Variants in STAG1 observed in about 807,000 individuals in gnomAD.
STAG1 encodes the protein STAG1 cohesin complex component, also known as cohesin subunit SA-1.
STAG1 carries 26 observed loss-of-function variants against 170.9 expected under a neutral mutation model. That is an observed-to-expected ratio of 0.15 (90% CI 0.11 to 0.21). The LOEUF (loss-of-function observed/expected upper bound fraction) is 0.21. Ranked by LOEUF, STAG1 falls within the 10% of genes least tolerant of loss-of-function variation. The probability of loss-of-function intolerance (pLI) is 1.00; values close to 1 mark genes in which losing one functional copy is unlikely to be tolerated. For synonymous variants in STAG1, 514 were observed against 497.7 expected (o/e 1.03, Z -0.44); for missense variants, 964 against 1,509.5 (o/e 0.64, Z 5.99).
At chr3:136,354,474 G>C (rs540904456) in intron 28 of STAG1, among the ~76,000 whole-genome samples, 76 of 151,882 alleles carry the variant, frequency 5.0e-4, no homozygotes, top group African/African-American at 1.8e-3. Flanking sequence ...GCTAATTTTT[G>C]TATTGTTATT....
intron 1 of STAG1, chr3:136,737,033 C>A: frequency 6.8e-7 from 1 of 1,481,026 alleles, no homozygotes. Context: ...TTTATTTCTT[C>A]ATCTGTAACT....
chr3:136,479,189 C>T (rs1165596687), intron 9 of STAG1, among the ~76,000 whole-genome samples: 1 of 146,008 alleles, frequency 6.8e-6, no homozygotes, highest in Non-Finnish European at 1.5e-5. Flanking sequence ...AACGTGTCAT[C>T]TAGCATTAGG....
At chr3:136,567,282 C>T (rs1937115807) in intron 5 of STAG1, among the ~76,000 whole-genome samples, 1 of 152,164 alleles carries the variant, frequency 6.6e-6, no homozygotes, top group African/African-American at 2.4e-5. Flanking sequence ...CTTGCCTCAC[C>T]TACTTTAAGG....
At chr3:136,503,798 C>T (rs1933613951) in intron 7 of STAG1, among the ~76,000 whole-genome samples, 2 of 151,912 alleles carry the variant, frequency 1.3e-5, no homozygotes, top group Admixed American at 1.3e-4. Context: ...TGCAATGGCG[C>T]AATCTTGGCT....
At chr3:136,526,423 C>A (rs974247307) in intron 6 of STAG1, among the ~76,000 whole-genome samples, 2 of 152,100 alleles carry the variant, frequency 1.3e-5, no homozygotes, top group African/African-American at 4.8e-5. Flanking sequence ...GCAACCCCTG[C>A]CTTTTTTTGT....
At chr3:136,577,950 C>A (rs534976682) in intron 4 of STAG1, among the ~76,000 whole-genome samples, 4 of 152,286 alleles carry the variant, frequency 2.6e-5, no homozygotes, top group Admixed American at 2.6e-4. Context: ...GATTTAACAG[C>A]TGAGATACCA....
chr3:136,371,600 T>C (rs1937342585), intron 23 of STAG1, among the ~76,000 whole-genome samples: 1 of 152,224 alleles, frequency 6.6e-6, no homozygotes, highest in Admixed American at 6.5e-5. Flanking sequence ...CAGCACCATT[T>C]ATTAAATAGG....
At chr3:136,463,759 G>GTA (rs2089347759) in intron 13 of STAG1, among the ~76,000 whole-genome samples, 1 of 86,598 alleles carries the variant, frequency 1.2e-5, no homozygotes, top group South Asian at 4.3e-4. Context: ...GTGTGTGTGT[G>GTA]TGTGTGTGTA....
intron 21 of STAG1, among the ~76,000 whole-genome samples, chr3:136,402,360 G>C (rs994865035): frequency 3.3e-5 from 5 of 151,752 alleles, no homozygotes; most frequent in Admixed American, 1.3e-4. Flanking sequence ...TGGGACTACA[G>C]GTGCGTGCCA....
intron 2 of STAG1, among the ~76,000 whole-genome samples, chr3:136,630,364 A>G (rs1260465427): frequency 6.6e-6 from 1 of 151,652 alleles, no homozygotes; most frequent in Non-Finnish European, 1.5e-5. Context: ...TCATAATAAA[A>G]GAGCTGGAAG....
chr3:136,379,507 G>A (rs1022608608), intron 22 of STAG1, among the ~76,000 whole-genome samples: 18 of 152,136 alleles, frequency 1.2e-4, no homozygotes, highest in African/African-American at 4.3e-4. Flanking sequence ...TCAGGAGTTC[G>A]AGACCAGCCT....
chr3:136,613,297 G>C (rs1939396069), intron 3 of STAG1, among the ~76,000 whole-genome samples: 2 of 102,062 alleles, frequency 2.0e-5, no homozygotes, highest in African/African-American at 7.6e-5. Context: ...AAAGTGAACA[G>C]AGTGAGACTC....
At chr3:136,704,954 A>G (rs138926056) in intron 1 of STAG1, among the ~76,000 whole-genome samples, 2,532 of 152,284 alleles carry the variant, frequency 0.017, 39 homozygotes, top group Non-Finnish European at 0.027. Context: ...TGAGAGAACT[A>G]AAAGTAGAAA....
chr3:136,369,253 C>A lies in STAG1; in HGVS notation c.2400G>T (p.Met800Ile). The A allele has an allele frequency of 6.3e-7, 1 of 1,599,448 alleles. No homozygotes were observed. The highest frequency in any genetic ancestry group is 1.4e-5 in the African/African-American group (1 of 73,858). ...QAFMLLCDLL[M>I]IFSHQLMTGG... ...CTGTCATTAATTGGTGGCTGAAAATCATCAGAAGATCACAGAGTAACATGA... is the reference window on the plus strand; with the variant it reads ...CTGTCATTAATTGGTGGCTGAAAATAATCAGAAGATCACAGAGTAACATGA... The change falls in exon 24 of 34, where the codon ATG becomes ATT. Residue 800 changes from methionine to isoleucine, a missense_variant. By Grantham distance (10) the Met-to-Ile change is conservative. This residue lies in a region of STAG1 where 232 missense variants were observed against 313.0 expected (regional missense o/e 0.74). Coordinates refer to ENST00000383202, the MANE Select transcript of STAG1 (RefSeq NM_005862.3).
At chr3:136,670,436 C>CA (rs1386972797) in intron 1 of STAG1, among the ~76,000 whole-genome samples, 1 of 151,954 alleles carries the variant, frequency 6.6e-6, no homozygotes, top group Non-Finnish European at 1.5e-5. Context: ...AGAAAAGAAC[C>CA]AAAAAAACTA....
intron 4 of STAG1, among the ~76,000 whole-genome samples, chr3:136,587,307 A>C (rs1286752387): frequency 1.3e-5 from 2 of 152,184 alleles, no homozygotes; most frequent in African/African-American, 4.8e-5. Flanking sequence ...CGGCAGGCCG[A>C]GGCAGGTGGA....
At chr3:136,569,643 C>T (rs887182296) in intron 4 of STAG1, among the ~76,000 whole-genome samples, 1 of 151,652 alleles carries the variant, frequency 6.6e-6, no homozygotes, top group Non-Finnish European at 1.5e-5. Context: ...ATAAGAAAAC[C>T]CAGGAGTCTC....
intron 9 of STAG1, among the ~76,000 whole-genome samples, chr3:136,487,138 A>G (rs2090034010): frequency 8.0e-5 from 12 of 150,722 alleles, no homozygotes. Flanking sequence ...CTCACCCCCA[A>G]CTCCCAACAG....
At chr3:136,401,544 T>C (rs1335501578) in intron 21 of STAG1, among the ~76,000 whole-genome samples, 2 of 152,186 alleles carry the variant, frequency 1.3e-5, no homozygotes, top group Admixed American at 1.3e-4. Context: ...ATCAGATTGC[T>C]TAAGTTTGGG....
Sources: gnomAD v4.1 joint callset for allele counts (sites outside exome capture counted in the v4.1 genomes callset) on GRCh38, gnomAD v4.1.1 for gene constraint, gnomAD v4.1.1 regional missense constraint, MANE v1.5 for transcripts, NCBI Gene and HGNC (gene_info 2026-07-23, HGNC 2026-07-21) for gene names.